CNTN5: variants seen among roughly 807,000 people sequenced by gnomAD.
CNTN5 encodes the protein contactin 5.
A neutral mutation model predicts 129.1 loss-of-function variants in CNTN5; 77 were observed. The observed-to-expected ratio is 0.60, with a 90% CI of 0.50 to 0.72. The LOEUF is 0.72. Among genes scored for constraint, CNTN5 ranks in the 30% least tolerant of loss-of-function variants. The probability of loss-of-function intolerance (pLI) is 0.00; values close to 1 mark genes in which losing one functional copy is unlikely to be tolerated. For missense variants in CNTN5, 1,478 were observed against 1,328.8 expected (o/e 1.11, Z -1.75); for synonymous variants, 509 against 465.6 (o/e 1.09, Z -1.20).
intron 9 of CNTN5, among the ~76,000 whole-genome samples, chr11:100,032,583 T>G (rs12287618): frequency 0.036 from 5,485 of 152,052 alleles, 329 homozygotes; most frequent in African/African-American, 0.12. Context: ...TGGCCAGAAT[T>G]TTATACCAGT....
intron 9 of CNTN5, among the ~76,000 whole-genome samples, chr11:100,010,895 T>C (rs191628543): frequency 6.0e-4 from 92 of 152,236 alleles, no homozygotes; most frequent in African/African-American, 2.1e-3. Flanking sequence ...TCCTCCCTGC[T>C]TTTCTTGAGC....
Position 99,334,089 on chromosome 11 carries a change from C to T in CNTN5, c.-71+8605C>T, listed in dbSNP as rs576421313. On this transcript the variant is annotated intron_variant, in intron 2 of 24. Transcript: ENST00000524871. ...CAAAAACCAAAACTAAAAAGGCCAG[C>T]ACATACACGCCTTGAGTGATAAAAA... 1.3e-4 allele frequency among the ~76,000 whole-genome samples: 20 copies of T among 152,064 alleles called. No homozygotes were observed. In the South Asian group the frequency reaches 3.7e-3, roughly 28 times the overall value.
intron 3 of CNTN5, among the ~76,000 whole-genome samples, chr11:99,663,786 T>C (rs937909572): frequency 3.9e-5 from 6 of 152,180 alleles, no homozygotes; most frequent in Non-Finnish European, 7.4e-5. Context: ...GAGGCCTTCC[T>C]GGGCATGCAA....
intron 3 of CNTN5, among the ~76,000 whole-genome samples, chr11:99,765,560 T>C (rs10893863): frequency 0.17 from 26,043 of 151,524 alleles, 2,309 homozygotes; most frequent in African/African-American, 0.18. Flanking sequence ...TTACATTTTA[T>C]ATATTTCTTT....
intron 1 of CNTN5, among the ~76,000 whole-genome samples, chr11:99,095,033 G>A (rs1034581766): frequency 6.6e-6 from 1 of 151,638 alleles, no homozygotes; most frequent in East Asian, 1.9e-4. Context: ...TGCAGAACAT[G>A]CAGGTTTGTT....
chr11:99,424,541 A>C (rs1292172908), intron 2 of CNTN5, among the ~76,000 whole-genome samples: 2 of 152,168 alleles, frequency 1.3e-5, no homozygotes, highest in Non-Finnish European at 2.9e-5. Context: ...AGCTCCTGGC[A>C]CTGGCACAGT....
At chr11:99,408,472 A>AAG (rs1246998471) in intron 2 of CNTN5, among the ~76,000 whole-genome samples, 1 of 126,654 alleles carries the variant, frequency 7.9e-6, no homozygotes, top group South Asian at 2.8e-4. Flanking sequence ...GAAAGAAAGA[A>AAG]AGAAAGAAAG....
intron 3 of CNTN5, among the ~76,000 whole-genome samples, chr11:99,579,960 T>C (rs1949512663): frequency 6.6e-6 from 1 of 151,042 alleles, no homozygotes; most frequent in African/African-American, 2.4e-5. Context: ...TGATATTGGC[T>C]GTGGGTTTGT....
At chr11:99,290,144 A>G (rs1196657542) in intron 1 of CNTN5, among the ~76,000 whole-genome samples, 2 of 151,774 alleles carry the variant, frequency 1.3e-5, no homozygotes, top group Non-Finnish European at 3.0e-5. Context: ...GGACCCTTAT[A>G]TACTGAATGC....
intron 3 of CNTN5, among the ~76,000 whole-genome samples, chr11:99,719,460 TATAAA>T (rs1312758127): frequency 1.4e-4 from 21 of 152,082 alleles, no homozygotes; most frequent in Admixed American, 6.6e-4. Flanking sequence ...ATATGCTTTC[TATAAA>T]ATAATACAGT....
chr11:100,292,266 G>T lies in CNTN5; in HGVS notation c.2315-5359G>T, dbSNP rs780425826. 7.2e-5 allele frequency among the ~76,000 whole-genome samples: 11 copies of T among 152,098 alleles called. No individual in the cohort carries two copies. The East Asian group carries it at 1.9e-3, about 27-fold the overall frequency. ...ATGGGTGTTAAATGTTCAACATGAT[G>T]GCGTTTATCCACATACTGCTGCTTT... On this transcript the variant is annotated intron_variant, in intron 18 of 24. Transcript: ENST00000524871.
At chr11:99,580,583 A>T (rs1364663548) in intron 3 of CNTN5, among the ~76,000 whole-genome samples, 2 of 152,110 alleles carry the variant, frequency 1.3e-5, no homozygotes, top group Non-Finnish European at 2.9e-5. Context: ...CGAGGAATTT[A>T]TCCATTTCTT....
At chr11:99,653,480 A>G (rs745315854) in intron 3 of CNTN5, among the ~76,000 whole-genome samples, 1 of 151,970 alleles carries the variant, frequency 6.6e-6, no homozygotes, top group Admixed American at 6.6e-5. Flanking sequence ...AAGTAGTTCT[A>G]TTTATTGAAG....
At chr11:99,577,660 T>G (rs980062255) in intron 3 of CNTN5, among the ~76,000 whole-genome samples, 8 of 151,814 alleles carry the variant, frequency 5.3e-5, no homozygotes, top group Admixed American at 2.0e-4. Flanking sequence ...AAAAATACAG[T>G]GTTTAAAAGA....
At chr11:100,047,376 A>G (rs1437358725) in intron 9 of CNTN5, among the ~76,000 whole-genome samples, 1 of 152,216 alleles carries the variant, frequency 6.6e-6, no homozygotes, top group African/African-American at 2.4e-5. Flanking sequence ...AACAAGTTTT[A>G]CAAGGATTAA....
intron 2 of CNTN5, among the ~76,000 whole-genome samples, chr11:99,538,597 C>T (rs1947986203): frequency 6.6e-6 from 1 of 152,084 alleles, no homozygotes; most frequent in African/African-American, 2.4e-5. Flanking sequence ...CCATTAATAT[C>T]ATTCCGCATG....
At position 99,031,695 on chromosome 11, in the gene CNTN5, T is replaced by G. The variant is rs186046540; in HGVS notation, c.-210+10425T>G. Among the ~76,000 whole-genome samples, 1,002 of 152,142 alleles carry G rather than the reference T, an allele frequency of 6.6e-3. 13 individuals carry two copies. Among genetic ancestry groups the G allele is most frequent in the African/African-American group, 0.023 (968 of 41,536 alleles). On this transcript the variant is annotated intron_variant, in intron 1 of 24. Coordinates refer to ENST00000524871, the MANE Select transcript of CNTN5 (RefSeq NM_014361.4). ...CCTGAAACAAAGGTGTCTTTTAATC[T>G]TTGCTCCATGTATTTTTCTTATAAG...
intron 2 of CNTN5, among the ~76,000 whole-genome samples, chr11:99,540,581 A>T (rs993442154): frequency 3.9e-5 from 6 of 152,216 alleles, no homozygotes; most frequent in South Asian, 2.1e-4. Context: ...TCAAGAAAAA[A>T]TTTTTTTCAA....
chr11:99,997,531 A>G (rs529334351), intron 8 of CNTN5, among the ~76,000 whole-genome samples: 50 of 152,352 alleles, frequency 3.3e-4, no homozygotes, highest in African/African-American at 9.6e-4. Context: ...CCAACCAAAA[A>G]GAGCCCAGGA....
Sources: allele counts gnomAD v4.1 joint callset (sites outside exome capture counted in the v4.1 genomes callset), GRCh38; gene constraint gnomAD v4.1.1; transcripts MANE v1.5; gene names NCBI Gene and HGNC (gene_info 2026-07-23, HGNC 2026-07-21).